Variants in PTPRM observed in about 807,000 individuals in gnomAD.
PTPRM encodes receptor-type tyrosine-protein phosphatase mu.
Under a neutral mutation model 186.7 loss-of-function variants are expected in PTPRM, and 47 were observed. The ratio of observed to expected loss-of-function variants is 0.25; its 90% CI spans 0.20 to 0.32. PTPRM has a LOEUF of 0.32. Among genes scored for constraint, PTPRM ranks in the 10% least tolerant of loss-of-function variants. The probability of loss-of-function intolerance (pLI) is 1.00; values close to 1 mark genes in which losing one functional copy is unlikely to be tolerated. For missense variants in PTPRM, 1,494 were observed against 1,865.0 expected (o/e 0.80, Z 3.66); for synonymous variants, 668 against 674.9 (o/e 0.99, Z 0.16).
intron 2 of PTPRM, among the ~76,000 whole-genome samples, chr18:7,839,010 G>C (rs557539976): frequency 6.6e-6 from 1 of 152,156 alleles, no homozygotes; most frequent in African/African-American, 2.4e-5. Context: ...GGCCCAAAGG[G>C]CTCCTAAGTC....
At chr18:7,935,938 T>C (rs1173866919) in intron 5 of PTPRM, among the ~76,000 whole-genome samples, 1 of 152,244 alleles carries the variant, frequency 6.6e-6, no homozygotes, top group African/African-American at 2.4e-5. Flanking sequence ...TCTTAAGGTC[T>C]GCTTCCTTTG....
chr18:7,796,527 T>G (rs1026111407), intron 2 of PTPRM, among the ~76,000 whole-genome samples: 17 of 152,200 alleles, frequency 1.1e-4, no homozygotes, highest in African/African-American at 4.1e-4. Context: ...ACAGCAGGTC[T>G]GAGCAGGGTA....
intron 1 of PTPRM, among the ~76,000 whole-genome samples, chr18:7,724,053 C>T (rs2144880881): frequency 6.6e-6 from 1 of 152,054 alleles, no homozygotes; most frequent in Non-Finnish European, 1.5e-5. Context: ...CACATATCTT[C>T]TATGTACTCC....
intron 14 of PTPRM, among the ~76,000 whole-genome samples, chr18:8,214,454 A>C (rs1157380844): frequency 2.6e-5 from 4 of 152,112 alleles, no homozygotes. Flanking sequence ...TCTTTTAAAA[A>C]GTTTAGTTAT....
intron 1 of PTPRM, among the ~76,000 whole-genome samples, chr18:7,602,325 A>T (rs1331316941): frequency 6.6e-6 from 1 of 152,166 alleles, no homozygotes; most frequent in Non-Finnish European, 1.5e-5. Flanking sequence ...ATTAATAGGG[A>T]GGCACAAATT....
chr18:7,648,437 G>C (rs547410109), intron 1 of PTPRM, among the ~76,000 whole-genome samples: 65 of 152,278 alleles, frequency 4.3e-4, no homozygotes, highest in African/African-American at 1.5e-3. Context: ...ATTTTGCTTG[G>C]TGAGGAAAGC....
intron 14 of PTPRM, among the ~76,000 whole-genome samples, chr18:8,146,427 T>C (rs2092887975): frequency 6.6e-6 from 1 of 152,204 alleles, no homozygotes; most frequent in Non-Finnish European, 1.5e-5. Context: ...TTTTTTTATA[T>C]GTTGGTTGGC....
At chr18:8,041,642 G>A (rs116708662) in intron 7 of PTPRM, among the ~76,000 whole-genome samples, 2,633 of 152,288 alleles carry the variant, frequency 0.017, 76 homozygotes, top group African/African-American at 0.06. Context: ...GGGATTCAAA[G>A]TCCCCACAGT....
chr18:7,863,209 T>A (rs933192581), intron 2 of PTPRM, among the ~76,000 whole-genome samples: 6 of 152,270 alleles, frequency 3.9e-5, no homozygotes, highest in South Asian at 2.1e-4. Context: ...ATTAAAAAAA[T>A]TTTTTCATTA....
intron 1 of PTPRM, among the ~76,000 whole-genome samples, chr18:7,721,141 CTT>C (rs71165750): frequency 2.6e-4 from 38 of 145,256 alleles, no homozygotes; most frequent in East Asian, 6.0e-4. Flanking sequence ...TTATTATTTT[CTT>C]TTTTTTTTTT....
chr18:7,992,544 A>C (rs1263494633), intron 7 of PTPRM, among the ~76,000 whole-genome samples: 1 of 152,150 alleles, frequency 6.6e-6, no homozygotes, highest in Non-Finnish European at 1.5e-5. Flanking sequence ...CAGTAGATCC[A>C]GGGACCAGGG....
At chr18:8,004,358 C>G (rs948813432) in intron 7 of PTPRM, among the ~76,000 whole-genome samples, 2 of 151,532 alleles carry the variant, frequency 1.3e-5, no homozygotes, top group South Asian at 2.1e-4. Flanking sequence ...TAATGTCTGC[C>G]TTATAGGGAA....
chr18:7,766,646 C>T (rs1391590323), intron 1 of PTPRM, among the ~76,000 whole-genome samples: 1 of 152,176 alleles, frequency 6.6e-6, no homozygotes, highest in African/African-American at 2.4e-5. Flanking sequence ...AGGAGCCAGG[C>T]AGGGGGGCGA....
chr18:8,216,464 T>C (rs765105620), intron 14 of PTPRM, among the ~76,000 whole-genome samples: 5 of 152,244 alleles, frequency 3.3e-5, no homozygotes, highest in Non-Finnish European at 7.3e-5. Flanking sequence ...AAACTTGTTA[T>C]TGCTCATCCT....
At position 8,074,817 on chromosome 18, in the gene PTPRM, A is replaced by G. The variant is rs187546536; in HGVS notation, c.1442-1638A>G. ...GTCTAGATACAAATCTCTTATATATATGATATGCAGAAGCCTTCTCCCATT... is the reference window on the plus strand; with the variant it reads ...GTCTAGATACAAATCTCTTATATATGTGATATGCAGAAGCCTTCTCCCATT... On this transcript the variant is annotated intron_variant, in intron 8 of 32. Transcript: ENST00000580170. Among the ~76,000 whole-genome samples, 406 of 152,274 alleles carry G rather than the reference A, an allele frequency of 2.7e-3. 4 individuals are homozygous for G. Among genetic ancestry groups the G allele is most frequent in the Non-Finnish European group, 2.4e-3 (162 of 68,020 alleles).
chr18:8,108,501 A>G (rs1369608382), intron 11 of PTPRM, among the ~76,000 whole-genome samples: 2 of 152,222 alleles, frequency 1.3e-5, no homozygotes, highest in Non-Finnish European at 2.9e-5. Context: ...AATTAGGACA[A>G]AACATTTTAA....
intron 14 of PTPRM, among the ~76,000 whole-genome samples, chr18:8,172,401 AT>A (rs994531335): frequency 3.3e-5 from 5 of 151,878 alleles, no homozygotes; most frequent in African/African-American, 9.7e-5. Context: ...GTACTGGGAA[AT>A]TTATCTTTGT....
intron 32 of PTPRM, among the ~76,000 whole-genome samples, chr18:8,398,808 G>T (rs965576599): frequency 1.1e-4 from 17 of 151,268 alleles, no homozygotes; most frequent in African/African-American, 4.1e-4. Context: ...GTCACAAAAG[G>T]CCACATATTC....
intron 22 of PTPRM, among the ~76,000 whole-genome samples, chr18:8,339,704 T>A (rs143068800): frequency 1.1e-3 from 160 of 152,230 alleles, no homozygotes; most frequent in Non-Finnish European, 1.9e-3. Flanking sequence ...TGTACCAGGC[T>A]CACATCTTTG....
Sources: gnomAD v4.1 joint callset for allele counts (sites outside exome capture counted in the v4.1 genomes callset) on GRCh38, gnomAD v4.1.1 for gene constraint, MANE v1.5 for transcripts, NCBI Gene and HGNC (gene_info 2026-07-23, HGNC 2026-07-21) for gene names.